PSG7: variants seen among roughly 807,000 people sequenced by gnomAD.
PSG7 encodes the protein pregnancy specific beta-1-glycoprotein 7, also known as pregnancy-specific beta-1-glycoprotein 7.
In PSG7, 57 loss-of-function variants were observed where a neutral mutation model predicts 45.6. The observed-to-expected ratio is 1.25, with a 90% CI of 1.01 to 1.56. PSG7 has a LOEUF of 1.56. Ranked by LOEUF, PSG7 falls within the 40% of genes most tolerant of loss-of-function variation. The pLI, the probability that PSG7 is intolerant of heterozygous loss-of-function variation, is 0.00. For missense variants in PSG7, 796 were observed against 508.4 expected (o/e 1.57, Z -5.44); for synonymous variants, 298 against 194.4 (o/e 1.53, Z -4.43).
chr19:42,933,471 A>G (rs1973078063), intron 2 of PSG7, among the ~76,000 whole-genome samples: 1 of 148,634 alleles, frequency 6.7e-6, no homozygotes, highest in Admixed American at 6.8e-5. Flanking sequence ...GTGGAAGCTC[A>G]TTCTCTTAGT....
rs1234709215 is a variant in PSG7, at chr19:42,927,819, G to A, written c.710-1103C>T. On this transcript the variant is annotated intron_variant, in intron 3 of 5. Transcript: ENST00000406070. ...GGGCAGTTTCTTTTATGCAAGATGG[G>A]GAGTTTCTAGAGATCTGCTGTAGAG... Among the ~76,000 whole-genome samples the A allele has an allele frequency of 3.4e-4, 52 of 151,472 alleles. No homozygotes were observed. In the South Asian group the frequency reaches 0.01, roughly 31 times the overall value.
intron 1 of PSG7, 37 bp from the exon 2 acceptor site, chr19:42,935,806 C>G (rs782478722): frequency 3.2e-6 from 5 of 1,572,232 alleles, no homozygotes; most frequent in South Asian, 1.2e-5. Context: ...ATATTGAGAC[C>G]TATGTGTTGG....
At chr19:42,931,153 C>G (rs1410293039) in intron 2 of PSG7, among the ~76,000 whole-genome samples, 1 of 151,500 alleles carries the variant, frequency 6.6e-6, no homozygotes, top group Non-Finnish European at 1.5e-5. Context: ...AGGTTATGTT[C>G]TGACTCTAAT....
In PSG7 at chr19:42,929,579, T is replaced by C. The variant is rs754654498; in HGVS notation, c.572A>G (p.His191Arg). 6.2e-7 allele frequency: 1 copy of C among 1,612,460 alleles called. No individual in the cohort carries two copies. Among genetic ancestry groups the C allele is most frequent in the South Asian group, 1.1e-5 (1 of 90,846 alleles). Residue 191 changes from histidine to arginine, a missense_variant, in exon 3 of 6, where the codon CAC (histidine) becomes CGC (arginine). His to Arg is a conservative substitution (Grantham distance 29). Coordinates refer to ENST00000406070, the MANE Select transcript of PSG7 (RefSeq NM_002783.3). ...GTTGGTTTCAGACAGCTGCAAGCTG[T>C]GAGTCATAGGGAGGCTCTGACCATT... ...WMNGQSLPMT[H>R]SLQLSETNRT... is the part of the protein sequence containing the mutation.
intron 2 of PSG7, among the ~76,000 whole-genome samples, chr19:42,932,264 T>A (rs543026230): frequency 2.6e-5 from 4 of 151,478 alleles, no homozygotes; most frequent in African/African-American, 9.7e-5. Flanking sequence ...ACCTTGTGCC[T>A]GCCTCGGCCT....
Position 42,926,564 on chromosome 19 carries a change from G to A in PSG7, c.862C>T (p.Arg288Ter), listed in dbSNP as rs200153986. The change falls in exon 4 of 6, where the codon CGA (arginine) becomes TGA (stop). Residue 288 changes from arginine to a stop codon, truncating the protein, a stop_gained. Transcript: ENST00000406070. LOFTEE classifies it high-confidence loss of function. Reference protein sequence around the residue: ...QSLPVSPRVKRRIENRILILP... With the variant: ...QSLPVSPRVK ...ATGAGGATCCTGTTTTCAATGCGTC[G>A]CTTTACCCTGGGACTGACCGGGAGG... The A allele has an allele frequency of 1.6e-4, 263 of 1,610,344 alleles. 6 individuals carry two copies. In the African/African-American group the frequency reaches 2.5e-3, roughly 15 times the overall value.
At chr19:42,934,044 G>T (rs541824855) in intron 2 of PSG7, among the ~76,000 whole-genome samples, 1 of 151,446 alleles carries the variant, frequency 6.6e-6, no homozygotes, top group African/African-American at 2.4e-5. Context: ...TTATGTGAGA[G>T]CTCCTGAGTA....
In PSG7 at chr19:42,926,673, G is replaced by A. The variant is rs771831242; in HGVS notation, c.753C>T (p.Pro251=). Residue 251 remains proline (P), a synonymous_variant, in exon 4 of 6, where the codon CCC becomes CCT. Coordinates refer to ENST00000406070, the MANE Select transcript of PSG7 (RefSeq NM_002783.3). ...KPYITINNLN[P]RENKDVSTFT... is the part of the protein sequence containing the mutation. ...AGGTTGAGACATCCTTATTCTCCCT[G>A]GGGTTTAAGTTATTGATGGTGATGT... 5.6e-6 allele frequency: 9 copies of A among 1,610,192 alleles called. 2 individuals carry two copies. In the East Asian group the frequency reaches 1.6e-4, roughly 28 times the overall value.
intron 2 of PSG7, among the ~76,000 whole-genome samples, chr19:42,933,364 C>G (rs1322116533): frequency 8.3e-6 from 1 of 120,592 alleles, no homozygotes; most frequent in Non-Finnish European, 1.7e-5. Context: ...ACTTGTCTGG[C>G]AATTATAAGA....
At chr19:42,936,710 C>G (rs992422949) in intron 1 of PSG7, among the ~76,000 whole-genome samples, 1 of 151,196 alleles carries the variant, frequency 6.6e-6, no homozygotes, top group Non-Finnish European at 1.5e-5. Flanking sequence ...TGCAGTGGTG[C>G]TATCTCGGCT....
Position 42,926,659 on chromosome 19 carries a change from T to C in PSG7, c.767A>G (p.Asp256Gly). 1.9e-6 allele frequency: 3 copies of C among 1,610,308 alleles called. No homozygotes were observed. Among genetic ancestry groups the C allele is most frequent in the Non-Finnish European group, 2.5e-6 (3 of 1,179,012 alleles). The change falls in exon 4 of 6, where the codon GAT becomes GGT. Residue 256 changes from aspartate (D) to glycine (G), a missense_variant. Coordinates refer to ENST00000406070, the MANE Select transcript of PSG7 (RefSeq NM_002783.3). ...AGGTTCACAGGTGAAGGTTGAGACA[T>C]CCTTATTCTCCCTGGGGTTTAAGTT... The part of the protein sequence containing the change: ...INNLNPRENK[D>G]VSTFTCEPKS...
intron 3 of PSG7, 90 bp from the exon 4 acceptor site, chr19:42,926,806 G>A (rs1972904352): frequency 6.4e-7 from 1 of 1,558,948 alleles, no homozygotes. Flanking sequence ...TCTCCCACCT[G>A]TCAACACGTG....
At chr19:42,930,189 C>G (rs562317172) in intron 2 of PSG7, among the ~76,000 whole-genome samples, 2 of 151,736 alleles carry the variant, frequency 1.3e-5, no homozygotes, top group East Asian at 3.9e-4. Flanking sequence ...GTCCTTAAAC[C>G]CTTTGGGTAC....
At chr19:42,935,953 C>A (rs1402506252) in intron 1 of PSG7, among the ~76,000 whole-genome samples, 184 bp from the exon 2 acceptor site, 1 of 150,172 alleles carries the variant, frequency 6.7e-6, no homozygotes, top group Admixed American at 6.7e-5. Flanking sequence ...ATGTGTGTTT[C>A]TGTGTGTGTC....
At chr19:42,928,143 G>A (rs781228710) in intron 3 of PSG7, among the ~76,000 whole-genome samples, 1 of 151,458 alleles carries the variant, frequency 6.6e-6, no homozygotes, top group Non-Finnish European at 1.5e-5. Flanking sequence ...TGGCCATGCT[G>A]CACTTGTATA....
chr19:42,929,811 T>A, intron 2 of PSG7, 91 bp from the exon 3 acceptor site: 1 of 1,507,314 alleles, frequency 6.6e-7, no homozygotes, highest in South Asian at 1.3e-5. Context: ...TTCCAACCTC[T>A]CAGCCCACCC....
chr19:42,926,934 G>A, intron 3 of PSG7: 5 of 949,938 alleles, frequency 5.3e-6, no homozygotes, highest in South Asian at 1.8e-5. Context: ...ACTTTCTCAA[G>A]TGTCAATTGA....
chr19:42,931,634 A>G (rs910590963), intron 2 of PSG7, among the ~76,000 whole-genome samples: 5 of 151,408 alleles, frequency 3.3e-5, no homozygotes, highest in Admixed American at 2.0e-4. Context: ...TGAGATGGCA[A>G]TGGCTCGTGT....
At chr19:42,926,406 C>G (rs773580667) in intron 4 of PSG7, 32 bp downstream of exon 4, 1 of 1,608,296 alleles carries the variant, frequency 6.2e-7, no homozygotes, top group African/African-American at 1.3e-5. Context: ...TCCTGGCCCA[C>G]AGAGGAAGAA....
Sources: gnomAD v4.1 joint callset for allele counts (sites outside exome capture counted in the v4.1 genomes callset) on GRCh38, gnomAD v4.1.1 for gene constraint, MANE v1.5 for transcripts, NCBI Gene and HGNC (gene_info 2026-07-23, HGNC 2026-07-21) for gene names.